TLR6: variants seen among roughly 807,000 people sequenced by gnomAD.
TLR6 encodes toll-like receptor 6.
TLR6 carries 9 observed loss-of-function variants against 16.1 expected under a neutral mutation model. The ratio of observed to expected loss-of-function variants is 0.56; its 90% CI spans 0.34 to 0.98. TLR6 has a LOEUF of 0.98. TLR6 is among the 50% of genes least tolerant of loss of function. TLR6 has a pLI of 0.02. For synonymous variants in TLR6, 340 were observed against 338.6 expected (o/e 1.00, Z -0.04); for missense variants, 786 against 921.0 (o/e 0.85, Z 1.90).
chr4:38,827,164 A>G, exon 2 of TLR6: 1 of 1,614,160 alleles, frequency 6.2e-7, no homozygotes, highest in South Asian at 1.1e-5. Flanking sequence ...AAAAGAGCCC[A>G]CGTTTGCTTT....
chr4:38,837,297 G>A (rs1488021808), intron 1 of TLR6, among the ~76,000 whole-genome samples: 3 of 152,022 alleles, frequency 2.0e-5, no homozygotes, highest in African/African-American at 7.2e-5. Flanking sequence ...GAGGAAAAGG[G>A]GCAAAGCTGA....
intron 1 of TLR6, among the ~76,000 whole-genome samples, chr4:38,847,802 G>A (rs1377924592): frequency 6.6e-6 from 1 of 152,218 alleles, no homozygotes; most frequent in Non-Finnish European, 1.5e-5. Context: ...AAACTGGGTG[G>A]AGCCCACCAC....
intron 1 of TLR6, among the ~76,000 whole-genome samples, chr4:38,854,730 A>G (rs972324019): frequency 4.6e-5 from 7 of 152,192 alleles, no homozygotes; most frequent in Non-Finnish European, 1.0e-4. Flanking sequence ...ACTACAAGGA[A>G]TTTTCTAAAG....
chr4:38,845,626 T>C (rs1476793091), intron 1 of TLR6, among the ~76,000 whole-genome samples: 3 of 152,232 alleles, frequency 2.0e-5, no homozygotes, highest in Non-Finnish European at 4.4e-5. Flanking sequence ...AAAAGGCAAG[T>C]ACCTGGATTC....
intron 1 of TLR6, among the ~76,000 whole-genome samples, chr4:38,834,314 C>CTGGA (rs1245808572): frequency 1.4e-5 from 2 of 140,228 alleles, no homozygotes; most frequent in Non-Finnish European, 3.1e-5. Flanking sequence ...AATTTCTGAA[C>CTGGA]TGGAAGACAG....
At chr4:38,858,835 GAAA>G, upstream of TLR6, among the ~76,000 whole-genome samples, 2 of 30,524 alleles carry the variant, frequency 6.6e-5, no homozygotes, top group African/African-American at 2.5e-4. Flanking sequence ...GAGAGAGGAA[GAAA>G]GAAAGAAAGA....
At chr4:38,862,816 C>T in the TLR6 span, among the ~76,000 whole-genome samples, 4 of 149,484 alleles carry the variant, frequency 2.7e-5, no homozygotes, top group South Asian at 2.1e-4. Flanking sequence ...AGGATGGTCT[C>T]GATCTCCTGA....
At chr4:38,867,872 C>T in the TLR6 span, 4 of 174,688 alleles carry the variant, frequency 2.3e-5, no homozygotes, top group East Asian at 1.7e-4. Context: ...TCCCCTTCCC[C>T]GGGGGGCGGG....
upstream of TLR6, among the ~76,000 whole-genome samples, chr4:38,860,060 T>G (rs1488423310): frequency 6.6e-6 from 1 of 151,930 alleles, no homozygotes; most frequent in Non-Finnish European, 1.5e-5. Context: ...TTAAAAAATG[T>G]TGTCTTTCTC....
chr4:38,829,327 G>A, exon 2 of TLR6: 1 of 1,614,150 alleles, frequency 6.2e-7, no homozygotes, highest in African/African-American at 1.3e-5. Flanking sequence ...TCAGCGGTAG[G>A]TCTTTTGGAA....
intron 1 of TLR6, 67 bp from the exon 2 acceptor site, chr4:38,829,604 A>T (rs1050481759): frequency 2.3e-4 from 139 of 609,542 alleles, no homozygotes; most frequent in Non-Finnish European, 3.4e-4. Flanking sequence ...CCACTTACTA[A>T]CCATAAAATC....
chr4:38,827,909 C>T (rs1682694322), exon 2 of TLR6: 1 of 1,614,108 alleles, frequency 6.2e-7, no homozygotes, highest in Non-Finnish European at 8.5e-7. Context: ...TTTTATTGAC[C>T]TCATCTTCTG....
chr4:38,867,031 G>T, the TLR6 span, among the ~76,000 whole-genome samples: 1 of 152,070 alleles, frequency 6.6e-6, no homozygotes. Flanking sequence ...TAAACACTGC[G>T]CTTCCTCCGC....
rs3042439 is a variant in TLR6 at position 38,855,211 on chromosome 4, C to CAAAA, written c.-65+1546_-65+1549dup. ...TGGGCGACAGAGCAAGACTCCGTCT[C>CAAAA]AAAAAAAAAAAAAAAAAATTATATA... On this transcript the variant is annotated intron_variant, in intron 1 of 1. Coordinates refer to ENST00000436693, the Ensembl canonical transcript of TLR6. Among the ~76,000 whole-genome samples the CAAAA allele has an allele frequency of 8.6e-4, 93 of 108,748 alleles. 1 individual carries two copies. Among genetic ancestry groups the CAAAA allele is most frequent in the African/African-American group, 2.7e-3 (75 of 27,556 alleles). 71.3% of individuals were successfully genotyped at this position (108,748 alleles called of 152,430 possible).
intron 1 of TLR6, among the ~76,000 whole-genome samples, chr4:38,842,935 C>T (rs1338404646): frequency 6.6e-6 from 1 of 152,002 alleles, no homozygotes; most frequent in Non-Finnish European, 1.5e-5. Context: ...ATTTTTCCAA[C>T]CAACATTAGA....
the TLR6 span, among the ~76,000 whole-genome samples, chr4:38,866,246 C>A: frequency 6.6e-6 from 1 of 151,444 alleles, no homozygotes; most frequent in Non-Finnish European, 1.5e-5. Context: ...AATCCCAGCA[C>A]TTTGGGAGGC....
At chr4:38,859,253 T>C (rs1713142613), upstream of TLR6, among the ~76,000 whole-genome samples, 1 of 152,148 alleles carries the variant, frequency 6.6e-6, no homozygotes, top group Non-Finnish European at 1.5e-5. Context: ...AGCAGAGCAT[T>C]TGCAAACAGA....
At chr4:38,864,171 C>T in the TLR6 span, among the ~76,000 whole-genome samples, 1 of 152,174 alleles carries the variant, frequency 6.6e-6, no homozygotes, top group African/African-American at 2.4e-5. Context: ...TTCCCTAAAC[C>T]CTGTAGATTC....
chr4:38,852,649 A>G (rs1712815568), intron 1 of TLR6, among the ~76,000 whole-genome samples: 1 of 152,024 alleles, frequency 6.6e-6, no homozygotes, highest in Non-Finnish European at 1.5e-5. Flanking sequence ...ATCACTGGCC[A>G]TCAGAGAAAT....
Sources: gnomAD v4.1 joint callset for allele counts (sites outside exome capture counted in the v4.1 genomes callset) on GRCh38, gnomAD v4.1.1 for gene constraint, MANE v1.5 for transcripts, NCBI Gene and HGNC (gene_info 2026-07-23, HGNC 2026-07-21) for gene names.